The following ATP10B variants were observed in gnomAD, a reference collection of about 807,000 sequenced individuals.
The protein encoded by ATP10B is ATPase phospholipid transporting 10B (putative), also known as phospholipid-transporting ATPase VB.
In ATP10B, 122 loss-of-function variants were observed where a neutral mutation model predicts 141.2. That is an observed-to-expected ratio of 0.86 (90% CI 0.75 to 1.00). The LOEUF is 1.00. ATP10B is among the 50% of genes least tolerant of loss of function. ATP10B has a pLI of 0.00. For missense variants in ATP10B, 1,876 were observed against 1,825.3 expected (o/e 1.03, Z -0.51); for synonymous variants, 685 against 692.0 (o/e 0.99, Z 0.16).
intron 2 of ATP10B, among the ~76,000 whole-genome samples, chr5:160,725,457 ATT>A (rs747995995): frequency 2.8e-5 from 4 of 142,634 alleles, no homozygotes; most frequent in African/African-American, 2.6e-5. Flanking sequence ...TTACGATGGG[ATT>A]TTTTTTTTTT....
rs756387854 is a variant in ATP10B, at chr5:160,569,580, G to A, written c.3854C>T (p.Pro1285Leu). The A allele has an allele frequency of 4.3e-6, 7 of 1,613,722 alleles. No individual in the cohort carries two copies. The highest frequency in any genetic ancestry group is 5.9e-6 in the Non-Finnish European group (7 of 1,179,840). Residue 1285 changes from proline to leucine, a missense_variant, in exon 25 of 26, where the codon CCC becomes CTC. By Grantham distance (98) the Pro-to-Leu change is moderately conservative (BLOSUM62 -3). Coordinates refer to ENST00000327245, the MANE Select transcript of ATP10B (RefSeq NM_025153.3). ...GAGCTGGCCTTCCATCACCCAATAG[G>A]GATTGGTGGGGCTGTTGCAGATGAC... is the stretch of plus-strand genomic sequence containing the variant. ...TCVICNSPTN[P>L]YWVMEGQLSN...
Position 160,652,915 on chromosome 5 carries a change from A to ATATATAAT in ATP10B, c.676-3667_676-3660dup, listed in dbSNP as rs1343012617. Among the ~76,000 whole-genome samples the ATATATAAT allele has an allele frequency of 4.4e-5, 3 of 68,072 alleles. No individual in the cohort carries two copies. In the Admixed American group the frequency reaches 6.5e-4, roughly 15 times the overall value. 44.7% of individuals were successfully genotyped at this position (68,072 alleles called of 152,430 possible). A position where few individuals can be genotyped will look rare whatever the true frequency, so the allele number is the denominator to read the frequency against. On this transcript the variant is annotated intron_variant, in intron 7 of 25. Coordinates refer to ENST00000327245, the MANE Select transcript of ATP10B (RefSeq NM_025153.3). ...TATATAATATATTATATATACATGT[A>ATATATAAT]TATATAATATATTATATATACATGT...
At chr5:160,747,363 G>A (rs762189968) in intron 2 of ATP10B, among the ~76,000 whole-genome samples, 3 of 152,154 alleles carry the variant, frequency 2.0e-5, no homozygotes, top group Non-Finnish European at 2.9e-5. Context: ...ACAGCCTGGC[G>A]TGGGTTGAAT....
intron 1 of ATP10B, among the ~76,000 whole-genome samples, chr5:160,813,753 C>G (rs911295391): frequency 3.3e-5 from 5 of 152,172 alleles, no homozygotes; most frequent in Non-Finnish European, 7.3e-5. Context: ...AGACTGACAC[C>G]TCACACGGCA....
chr5:160,907,916 C>T, the ATP10B span, among the ~76,000 whole-genome samples: 4 of 152,268 alleles, frequency 2.6e-5, no homozygotes, highest in East Asian at 1.9e-4. Flanking sequence ...AAAGCTGGTG[C>T]GCCTCCTCCA....
intron 1 of ATP10B, among the ~76,000 whole-genome samples, chr5:160,798,933 T>A (rs1581553932): frequency 6.6e-6 from 1 of 151,704 alleles, no homozygotes; most frequent in South Asian, 2.1e-4. Flanking sequence ...TGTACTTTTA[T>A]TCGAGATGGG....
At chr5:160,912,190 C>T in the ATP10B span, among the ~76,000 whole-genome samples, 1 of 151,692 alleles carries the variant, frequency 6.6e-6, no homozygotes, top group Non-Finnish European at 1.5e-5. Context: ...AAATAAAGAC[C>T]AATTAGAAAA....
Position 160,688,794 on chromosome 5 carries a change from G to C in ATP10B, c.-55C>G. 1.0e-6 allele frequency: 1 copy of C among 985,430 alleles called. No homozygotes were observed. Among genetic ancestry groups the C allele is most frequent in the Non-Finnish European group, 1.2e-6 (1 of 829,920 alleles). 61.0% of individuals were successfully genotyped at this position (985,430 alleles called of 1,614,324 possible). A position where few individuals can be genotyped will look rare whatever the true frequency, so the allele number is the denominator to read the frequency against. ...GAACCTCAAAGGAGAGTGATAAGTA[G>C]AATAGATGGGAGAGGTTCTTTCCTA... On this transcript the variant is annotated 5_prime_UTR_variant, in exon 4 of 26. Transcript: ENST00000327245.
chr5:160,681,160 T>C (rs1424996834), intron 6 of ATP10B, among the ~76,000 whole-genome samples: 1 of 152,190 alleles, frequency 6.6e-6, no homozygotes, highest in East Asian at 1.9e-4. Context: ...TTTCTCCTAC[T>C]TGTGGCAAAG....
upstream of ATP10B, among the ~76,000 whole-genome samples, chr5:160,853,743 G>C (rs530948194): frequency 2.0e-5 from 3 of 152,256 alleles, no homozygotes; most frequent in African/African-American, 7.2e-5. Context: ...TTGAAATTAA[G>C]TGACACTGTC....
chr5:160,912,477 T>C, the ATP10B span, among the ~76,000 whole-genome samples: 1 of 149,274 alleles, frequency 6.7e-6, no homozygotes, highest in Admixed American at 6.7e-5. Flanking sequence ...TGCACACCTG[T>C]AGTCCCAGCT....
At chr5:160,602,010 C>T (rs13358369) in intron 21 of ATP10B, among the ~76,000 whole-genome samples, 3,843 of 152,240 alleles carry the variant, frequency 0.025, 65 homozygotes, top group Middle Eastern at 0.075. Context: ...GCTCTATATA[C>T]AGAGGAAATC....
At chr5:160,837,718 T>C (rs969501394) in intron 1 of ATP10B, among the ~76,000 whole-genome samples, 5 of 152,150 alleles carry the variant, frequency 3.3e-5, no homozygotes, top group African/African-American at 1.2e-4. Context: ...TAAATAGCTA[T>C]AATTTATTAT....
At chr5:160,887,657 C>T in the ATP10B span, among the ~76,000 whole-genome samples, 1 of 152,192 alleles carries the variant, frequency 6.6e-6, no homozygotes, top group Admixed American at 6.6e-5. Flanking sequence ...GTTTCTCCAG[C>T]TACGTTGACC....
At chr5:160,746,753 G>C (rs1435232757) in intron 2 of ATP10B, among the ~76,000 whole-genome samples, 1 of 152,110 alleles carries the variant, frequency 6.6e-6, no homozygotes, top group Admixed American at 6.5e-5. Flanking sequence ...ATTAGTGTGG[G>C]CCTGGCATCC....
At chr5:160,894,545 G>A in the ATP10B span, among the ~76,000 whole-genome samples, 3 of 152,058 alleles carry the variant, frequency 2.0e-5, no homozygotes, top group African/African-American at 7.2e-5. Context: ...CAAGAAATAT[G>A]GGAGTACGTG....
At chr5:160,880,654 G>A in the ATP10B span, among the ~76,000 whole-genome samples, 12 of 152,088 alleles carry the variant, frequency 7.9e-5, no homozygotes, top group Admixed American at 7.9e-4. Flanking sequence ...TATACAATCA[G>A]CTGATCTTTG....
intron 6 of ATP10B, among the ~76,000 whole-genome samples, chr5:160,674,897 A>G (rs1023911648): frequency 2.0e-5 from 3 of 152,136 alleles, no homozygotes; most frequent in Non-Finnish European, 4.4e-5. Flanking sequence ...AATTTTGGGG[A>G]TTAAAAAATG....
intron 7 of ATP10B, among the ~76,000 whole-genome samples, chr5:160,662,108 AAGG>A (rs1318007732): frequency 3.9e-5 from 6 of 152,246 alleles, no homozygotes; most frequent in Admixed American, 3.9e-4. Context: ...GGAACTTTTC[AAGG>A]AGAACTACAA....
Sources: gnomAD v4.1 joint callset for allele counts (sites outside exome capture counted in the v4.1 genomes callset) on GRCh38, gnomAD v4.1.1 for gene constraint, MANE v1.5 for transcripts, NCBI Gene and HGNC (gene_info 2026-07-23, HGNC 2026-07-21) for gene names.